Variants in LAMA2 observed in about 807,000 individuals in gnomAD.
LAMA2 encodes the protein laminin subunit alpha-2.
A neutral mutation model predicts 364.8 loss-of-function variants in LAMA2; 269 were observed. That is an observed-to-expected ratio of 0.74 (90% CI 0.67 to 0.82). The LOEUF (loss-of-function observed/expected upper bound fraction) is 0.82, where lower values mean the gene tolerates loss of function less well. LAMA2 is among the 40% of genes least tolerant of loss of function. LAMA2 has a pLI of 0.00. For missense variants in LAMA2, 3,807 were observed against 3,873.2 expected (o/e 0.98, Z 0.45); for synonymous variants, 1,379 against 1,370.6 (o/e 1.01, Z -0.14).
intron 15 of LAMA2, among the ~76,000 whole-genome samples, chr6:129,264,961 A>G (rs1787403877): frequency 6.6e-6 from 1 of 152,108 alleles, no homozygotes; most frequent in African/African-American, 2.4e-5. Context: ...ATGACTAGAA[A>G]AGTTATATGA....
chr6:128,921,489 T>G (rs1019469334), intron 1 of LAMA2, among the ~76,000 whole-genome samples: 1 of 152,146 alleles, frequency 6.6e-6, no homozygotes, highest in African/African-American at 2.4e-5. Flanking sequence ...CCAATATGAC[T>G]GGTATCATAG....
chr6:128,912,515 T>G (rs927766477), intron 1 of LAMA2, among the ~76,000 whole-genome samples: 1 of 152,200 alleles, frequency 6.6e-6, no homozygotes, highest in Non-Finnish European at 1.5e-5. Flanking sequence ...AGGGTATTAT[T>G]CATTTGTTAG....
intron 1 of LAMA2, among the ~76,000 whole-genome samples, chr6:128,910,512 A>G (rs1394928166): frequency 1.3e-5 from 2 of 151,534 alleles, no homozygotes; most frequent in Non-Finnish European, 2.9e-5. Flanking sequence ...ATTTCTCTGT[A>G]TTGGTTATTC....
chr6:129,303,719 T>C (rs542654889), intron 22 of LAMA2, among the ~76,000 whole-genome samples: 3 of 152,340 alleles, frequency 2.0e-5, no homozygotes, highest in African/African-American at 7.2e-5. Context: ...TACTGATTGA[T>C]TTTCAACATA....
At chr6:129,068,761 C>T (rs1011676599) in intron 3 of LAMA2, among the ~76,000 whole-genome samples, 1 of 152,194 alleles carries the variant, frequency 6.6e-6, no homozygotes, top group African/African-American at 2.4e-5. Flanking sequence ...GACTTTACCA[C>T]ACTTACAGCT....
chr6:129,442,011 T>C (rs56318431), intron 43 of LAMA2, among the ~76,000 whole-genome samples: 3,911 of 152,198 alleles, frequency 0.026, 172 homozygotes, highest in African/African-American at 0.089. Flanking sequence ...TATCTTGGTA[T>C]CCTTGTTACA....
At chr6:129,092,158 C>T (rs1011638263) in intron 3 of LAMA2, among the ~76,000 whole-genome samples, 2 of 152,200 alleles carry the variant, frequency 1.3e-5, no homozygotes, top group Non-Finnish European at 2.9e-5. Flanking sequence ...CCTCCGCTCT[C>T]CTTCCTCAGC....
chr6:128,910,921 TG>T (rs746171125), intron 1 of LAMA2, among the ~76,000 whole-genome samples: 2 of 151,546 alleles, frequency 1.3e-5, no homozygotes, highest in East Asian at 1.9e-4. Flanking sequence ...GTGCCCCTGC[TG>T]GGGGGTGCCT....
chr6:129,292,559 G>GAAC (rs1789783391), intron 20 of LAMA2, among the ~76,000 whole-genome samples: 1 of 152,114 alleles, frequency 6.6e-6, no homozygotes, highest in South Asian at 2.1e-4. Flanking sequence ...TGAACATACC[G>GAAC]ATTGCCCTGC....
chr6:129,516,119 C>A, intron 64 of LAMA2, 71 bp from the exon 65 acceptor site: 1 of 1,534,464 alleles, frequency 6.5e-7, no homozygotes. Flanking sequence ...TAACAGTTGA[C>A]TTTGAAACAT....
intron 34 of LAMA2, among the ~76,000 whole-genome samples, chr6:129,375,205 T>C (rs1462512363): frequency 6.6e-6 from 1 of 152,200 alleles, no homozygotes; most frequent in Admixed American, 6.5e-5. Flanking sequence ...CAATGCATTT[T>C]GATTTGTTGC....
chr6:129,240,323 G>T (rs1248834433), intron 12 of LAMA2, among the ~76,000 whole-genome samples: 1 of 152,098 alleles, frequency 6.6e-6, no homozygotes, highest in Non-Finnish European at 1.5e-5. Context: ...ACACACTCAG[G>T]TACAATACTT....
chr6:129,459,376 C>T (rs1783130520), intron 48 of LAMA2, among the ~76,000 whole-genome samples: 1 of 152,080 alleles, frequency 6.6e-6, no homozygotes. Context: ...ACAAACTTCT[C>T]TAGGAGGGAC....
At chr6:129,238,003 CA>C (rs372294022) in intron 12 of LAMA2, among the ~76,000 whole-genome samples, 214 of 125,330 alleles carry the variant, frequency 1.7e-3, no homozygotes, top group African/African-American at 4.0e-3. Flanking sequence ...ACTAAAAATA[CA>C]AAAAAAAAAA....
rs1457222972 is a variant in LAMA2 at position 129,050,026 on chromosome 6, C to T, written c.221C>T (p.Pro74Leu). The change falls in exon 2 of 65, where the codon CCT becomes CTT. Residue 74 changes from proline (P) to leucine (L), a missense_variant. Physicochemically the swap from Pro to Leu is moderately conservative, Grantham distance 98. Coordinates refer to ENST00000421865, the MANE Select transcript of LAMA2 (RefSeq NM_000426.4). ...TACTGCAAATTGGTAGAACATGTCC[C>T]TGGGCAGCCTGTGAGGAACCCGCAG... ...EMYCKLVEHV[P>L]GQPVRNPQCR... is the part of the protein sequence containing the mutation. 3 of 1,614,124 alleles carry T rather than the reference C, an allele frequency of 1.9e-6. No homozygotes were observed. The highest frequency in any genetic ancestry group is 2.5e-6 in the Non-Finnish European group (3 of 1,180,008).
At position 129,391,755 on chromosome 6, in the gene LAMA2, G is replaced by A; in HGVS notation, c.5234+102G>A. ...CACACGTATAAGTAAAAGATGCTTT[G>A]TTTTTCCAACCTGGAGATATTTGCT... On this transcript the variant is annotated intron_variant, in intron 36 of 64. Coordinates refer to ENST00000421865, the MANE Select transcript of LAMA2 (RefSeq NM_000426.4). 4 of 983,036 alleles carry A rather than the reference G, an allele frequency of 4.1e-6. 1 individual carries two copies. The highest frequency in any genetic ancestry group is 2.0e-5 in the Admixed American group (1 of 50,174). 60.9% of individuals were successfully genotyped at this position (983,036 alleles called of 1,614,324 possible). A position where few individuals can be genotyped will look rare whatever the true frequency, so the allele number is the denominator to read the frequency against.
intron 2 of LAMA2, among the ~76,000 whole-genome samples, chr6:129,057,462 T>C (rs1159316896): frequency 6.6e-6 from 1 of 152,228 alleles, no homozygotes; most frequent in Admixed American, 6.5e-5. Context: ...ATAATAATGA[T>C]GCTTTATTAA....
intron 1 of LAMA2, among the ~76,000 whole-genome samples, chr6:129,005,883 T>C (rs1198473133): frequency 6.6e-6 from 1 of 151,732 alleles, no homozygotes; most frequent in Non-Finnish European, 1.5e-5. Context: ...TTTGTCTATT[T>C]ACCTATCTAC....
intron 1 of LAMA2, among the ~76,000 whole-genome samples, chr6:128,962,185 T>TATATATTTACACACACAC (rs1214826895): frequency 1.9e-5 from 2 of 103,930 alleles, no homozygotes; most frequent in African/African-American, 7.4e-5. Context: ...TATATATATA[T>TATATATTTACACACACAC]ACACACATAC....
Sources: gnomAD v4.1 joint callset for allele counts (sites outside exome capture counted in the v4.1 genomes callset) on GRCh38, gnomAD v4.1.1 for gene constraint, MANE v1.5 for transcripts, NCBI Gene and HGNC (gene_info 2026-07-23, HGNC 2026-07-21) for gene names.